The following ZFHX3 variants were observed in gnomAD, a reference collection of about 807,000 sequenced individuals.
ZFHX3 encodes the protein zinc finger homeobox 3, also known as zinc finger homeobox protein 3.
ZFHX3 carries 42 observed loss-of-function variants against 279.1 expected under a neutral mutation model. That is an observed-to-expected ratio of 0.15 (90% CI 0.12 to 0.19). The LOEUF is 0.19. Ranked by LOEUF, ZFHX3 falls within the 10% of genes least tolerant of loss-of-function variation. The probability of loss-of-function intolerance (pLI) is 1.00; values close to 1 mark genes in which losing one functional copy is unlikely to be tolerated. For synonymous variants in ZFHX3, 2,293 were observed against 1,957.8 expected (o/e 1.17, Z -4.52); for missense variants, 4,981 against 4,754.0 (o/e 1.05, Z -1.40).
intron 2 of ZFHX3, among the ~76,000 whole-genome samples, chr16:72,951,546 G>A (rs1460562163): frequency 6.6e-6 from 1 of 152,192 alleles, no homozygotes; most frequent in Non-Finnish European, 1.5e-5. Flanking sequence ...ACAGGCATGA[G>A]CCACCGCGCC....
At chr16:73,360,365 G>C (rs2016415603) in intron 3 of ZFHX3, among the ~76,000 whole-genome samples, 1 of 152,190 alleles carries the variant, frequency 6.6e-6, no homozygotes, top group African/African-American at 2.4e-5. Flanking sequence ...GTGAGACGAA[G>C]GCTTACTCTG....
intron 3 of ZFHX3, among the ~76,000 whole-genome samples, chr16:73,404,073 C>T (rs1468975783): frequency 6.6e-6 from 1 of 152,064 alleles, no homozygotes; most frequent in Admixed American, 6.6e-5. Flanking sequence ...ATGCTTTTTG[C>T]ACCAGTGGGA....
chr16:72,968,617 C>T (rs368403346), intron 1 of ZFHX3, among the ~76,000 whole-genome samples: 4 of 152,002 alleles, frequency 2.6e-5, no homozygotes, highest in East Asian at 3.9e-4. Context: ...CCCACCACCA[C>T]GCCTGGCTAA....
At chr16:73,470,185 C>A (rs1597347591) in intron 2 of ZFHX3, among the ~76,000 whole-genome samples, 1 of 152,264 alleles carries the variant, frequency 6.6e-6, no homozygotes, top group Middle Eastern at 3.4e-3. Flanking sequence ...CTCTGAGTAG[C>A]GAGTTTGACG....
intron 3 of ZFHX3, among the ~76,000 whole-genome samples, chr16:73,395,214 C>T (rs1270168062): frequency 6.6e-6 from 1 of 152,176 alleles, no homozygotes. Context: ...CCTGTAATCC[C>T]AGCACTTTGG....
intron 1 of ZFHX3, among the ~76,000 whole-genome samples, chr16:73,036,211 G>A (rs4788695): frequency 0.016 from 2,424 of 152,332 alleles, 159 homozygotes; most frequent in Admixed American, 0.12. Context: ...CAGCACAGAT[G>A]TGGCCCCTTT....
Position 73,584,975 on chromosome 16 carries a change from A to G in ZFHX3, c.-1547+95205T>C, listed in dbSNP as rs183509287. Among the ~76,000 whole-genome samples the G allele has an allele frequency of 1.8e-3, 273 of 152,348 alleles. 5 individuals carry two copies. The highest frequency in any genetic ancestry group is 2.7e-3 in the East Asian group (14 of 5,186). On this transcript the variant is annotated intron_variant, in intron 2 of 17. Transcript: ENST00000641206. ...ACATACATGTGGCCAACAAACATGA[A>G]AAAAGCTCAACATCACTAATCATTA...
At chr16:73,481,660 G>C (rs1213936025) in intron 2 of ZFHX3, among the ~76,000 whole-genome samples, 3 of 151,252 alleles carry the variant, frequency 2.0e-5, no homozygotes, top group East Asian at 3.9e-4. Flanking sequence ...TTGTTTGTTT[G>C]TTTGTTTGTT....
In ZFHX3 at chr16:72,963,831, T is replaced by G. The variant is rs542073449; in HGVS notation, c.-49-3637A>C. Among the ~76,000 whole-genome samples, 9 of 152,282 alleles carry G rather than the reference T, an allele frequency of 5.9e-5. No individual in the cohort carries two copies. In the East Asian group the frequency reaches 1.7e-3, roughly 29 times the overall value. The stretch of plus-strand genomic sequence containing the variant: ...AAGGGGAGGGGGCTCCTGCTGTTGC[T>G]CCAGCTCCCGGAGAATGAAACATGA... On this transcript the variant is annotated intron_variant, in intron 1 of 9. Transcript: ENST00000268489.
Position 73,022,488 on chromosome 16 carries a change from C to G in ZFHX3, c.-50+25264G>C, listed in dbSNP as rs1350942279. ...CTTCGTTGGGGATGAGGGTGGCTGT[C>G]CTGGGCATCGCAGGATGTTTAGGAG... On this transcript the variant is annotated intron_variant, in intron 1 of 9. Transcript: ENST00000268489. Among the ~76,000 whole-genome samples the G allele has an allele frequency of 2.6e-5, 4 of 152,136 alleles. No individual in the cohort carries two copies. The East Asian group carries it at 7.7e-4, about 29-fold the overall frequency.
intron 4 of ZFHX3, among the ~76,000 whole-genome samples, chr16:72,837,102 T>C (rs1437082771): frequency 2.0e-5 from 3 of 152,190 alleles, no homozygotes; most frequent in Non-Finnish European, 4.4e-5. Context: ...AGGACCGAAG[T>C]GCACCAAGTC....
At chr16:73,601,994 C>T (rs2052123355) in intron 2 of ZFHX3, among the ~76,000 whole-genome samples, 2 of 151,958 alleles carry the variant, frequency 1.3e-5, no homozygotes, top group Admixed American at 1.3e-4. Flanking sequence ...AGGCCAGGTG[C>T]GGTGGCATAT....
intron 2 of ZFHX3, among the ~76,000 whole-genome samples, chr16:73,531,380 G>A (rs1173245547): frequency 6.6e-6 from 1 of 152,060 alleles, no homozygotes; most frequent in Non-Finnish European, 1.5e-5. Flanking sequence ...CCTTTCTTAT[G>A]CGACAATTTT....
chr16:73,356,526 C>T (rs1269109297), intron 3 of ZFHX3, among the ~76,000 whole-genome samples: 1 of 152,016 alleles, frequency 6.6e-6, no homozygotes, highest in African/African-American at 2.4e-5. Flanking sequence ...ATGCCTTGTT[C>T]TACATGCTAA....
At chr16:73,476,016 C>G (rs143707019) in intron 2 of ZFHX3, among the ~76,000 whole-genome samples, 5 of 152,050 alleles carry the variant, frequency 3.3e-5, no homozygotes, top group Non-Finnish European at 7.4e-5. Flanking sequence ...AAAAAGAAAT[C>G]GTAATTTTGA....
intron 2 of ZFHX3, among the ~76,000 whole-genome samples, chr16:73,460,790 G>T (rs775564414): frequency 7.9e-5 from 12 of 152,074 alleles, no homozygotes; most frequent in Non-Finnish European, 1.8e-4. Flanking sequence ...GTGAGTTCTC[G>T]TGAGATCTGG....
rs566172007 is a variant in ZFHX3, at chr16:73,220,881, T to C, written c.-1104+36166A>G. On this transcript the variant is annotated intron_variant, in intron 5 of 17. Coordinates refer to the ZFHX3 transcript ENST00000641206. ...GATAGTGAAGTCCCTGAACCCTTTT[T>C]GGTGGAGCACGGGCGATGGATGTTT... is the stretch of plus-strand genomic sequence containing the variant. 1.3e-4 allele frequency among the ~76,000 whole-genome samples: 20 copies of C among 152,286 alleles called. No individual in the cohort carries two copies. The South Asian group carries it at 2.3e-3, about 17-fold the overall frequency.
At chr16:72,855,037 G>A (rs989636968) in intron 4 of ZFHX3, among the ~76,000 whole-genome samples, 4 of 151,972 alleles carry the variant, frequency 2.6e-5, no homozygotes, top group Non-Finnish European at 5.9e-5. Flanking sequence ...ATACTCTACT[G>A]TACGCAGAGA....
Position 72,787,167 on chromosome 16 carries a change from C to G in ZFHX3, c.11109G>C (p.Leu3703Phe), listed in dbSNP as rs763493904. 12 of 1,508,832 alleles carry G rather than the reference C, an allele frequency of 8.0e-6. No homozygotes were observed. In the South Asian group the frequency reaches 1.6e-4, roughly 20 times the overall value. The allele number at this position is 1,508,832 out of a possible 1,614,324, so 93.5% of individuals were successfully genotyped here. The change falls in exon 10 of 10, where the codon TTG (leucine) becomes TTC (phenylalanine). Residue 3703 changes from leucine to phenylalanine, a missense_variant. Transcript: ENST00000268489. ...LTSVGTDTFRL is the reference protein window; with the variant it reads ...LTSVGTDTFRF ...TTGTATTGTTCATCTTCAAAGCTTA[C>G]AATCTGAAGGTGTCCGTTCCTACAC...
Sources: gnomAD v4.1 joint callset for allele counts (sites outside exome capture counted in the v4.1 genomes callset) on GRCh38, gnomAD v4.1.1 for gene constraint, MANE v1.5 for transcripts, NCBI Gene and HGNC (gene_info 2026-07-23, HGNC 2026-07-21) for gene names.